STK3: variants seen among roughly 807,000 people sequenced by gnomAD.
STK3 encodes the protein serine/threonine-protein kinase 3.
STK3 carries 41 observed loss-of-function variants against 58.0 expected under a neutral mutation model. The observed-to-expected ratio is 0.71, with a 90% CI of 0.55 to 0.92. The LOEUF is 0.92. STK3 is among the 40% of genes least tolerant of loss of function. STK3 has a pLI of 0.00. For synonymous variants in STK3, 170 were observed against 191.0 expected (o/e 0.89, Z 0.91); for missense variants, 479 against 602.7 (o/e 0.79, Z 2.15).
chr8:98,832,882 G>T lies in STK3; in HGVS notation c.110+50765C>A, dbSNP rs141122373. Among the ~76,000 whole-genome samples, 1,326 of 152,260 alleles carry T rather than the reference G, an allele frequency of 8.7e-3. 12 individuals carry two copies. The highest frequency in any genetic ancestry group is 0.03 in the African/African-American group (1,249 of 41,522). ...AATGCCCAGCACCAGAAGATAATTA[G>T]TTATTTCTGAATACAACTTTTATAA... On this transcript the variant is annotated intron_variant, in intron 3 of 12. Coordinates refer to the STK3 transcript ENST00000523601.
At chr8:98,562,737 GAAAAA>G (rs778049177) in intron 8 of STK3, among the ~76,000 whole-genome samples, 14 of 17,386 alleles carry the variant, frequency 8.1e-4, no homozygotes, top group African/African-American at 3.8e-3. Context: ...CACAAAAAAT[GAAAAA>G]AAAAAAAAAA....
chr8:98,466,808 C>T (rs1350876617), intron 10 of STK3, among the ~76,000 whole-genome samples: 3 of 152,128 alleles, frequency 2.0e-5, no homozygotes, highest in Non-Finnish European at 4.4e-5. Flanking sequence ...TAGATATTGT[C>T]TCCTCTGACC....
At chr8:98,559,833 T>C (rs1246104732) in intron 8 of STK3, among the ~76,000 whole-genome samples, 4 of 152,144 alleles carry the variant, frequency 2.6e-5, no homozygotes, top group African/African-American at 9.7e-5. Context: ...GTAAATAATT[T>C]GTTGTTTTTT....
At chr8:98,683,125 C>T (rs558364333) in intron 6 of STK3, among the ~76,000 whole-genome samples, 2 of 151,848 alleles carry the variant, frequency 1.3e-5, no homozygotes, top group African/African-American at 2.4e-5. Flanking sequence ...GTGCCCACTA[C>T]TGATTTTTCT....
At chr8:98,426,591 A>AC (rs1209173974) in intron 3 of STK3, among the ~76,000 whole-genome samples, 2 of 151,768 alleles carry the variant, frequency 1.3e-5, no homozygotes, top group Non-Finnish European at 2.9e-5. Flanking sequence ...TTCCCCAACA[A>AC]CCCCACCCCC....
chr8:98,420,249 T>C (rs1818156674), intron 3 of STK3, among the ~76,000 whole-genome samples: 1 of 152,148 alleles, frequency 6.6e-6, no homozygotes, highest in Non-Finnish European at 1.5e-5. Context: ...ATGCTACAGG[T>C]GCTCCCCACC....
At chr8:98,894,120 G>A (rs567625153) in intron 1 of STK3, among the ~76,000 whole-genome samples, 1 of 152,140 alleles carries the variant, frequency 6.6e-6, no homozygotes, top group South Asian at 2.1e-4. Flanking sequence ...GTGATAGGGG[G>A]TATTTTCTAA....
At chr8:98,779,864 A>G (rs181792199) in intron 1 of STK3, among the ~76,000 whole-genome samples, 81 of 152,006 alleles carry the variant, frequency 5.3e-4, no homozygotes, top group Middle Eastern at 3.4e-3. Context: ...GAGTAACCTT[A>G]TATATAAGTC....
At chr8:98,925,079 CT>C (rs1169275952) in intron 1 of STK3, among the ~76,000 whole-genome samples, 1 of 152,228 alleles carries the variant, frequency 6.6e-6, no homozygotes, top group Non-Finnish European at 1.5e-5. Context: ...CCAAAACTTT[CT>C]CAAAAGTAAC....
At chr8:98,640,008 G>A (rs1819895095) in intron 6 of STK3, among the ~76,000 whole-genome samples, 2 of 152,064 alleles carry the variant, frequency 1.3e-5, no homozygotes, top group South Asian at 2.1e-4. Context: ...CTGCTTGAGA[G>A]GCTGTTATTT....
rs911438663 is a variant in STK3 at position 98,726,106 on chromosome 8, C to G, written c.352-18795G>C. ...GGGCTCACTACAGATCTGGCAATGACAGGCAGTCTGCCTGCAGAGGAATGT... is the reference window on the plus strand; with the variant it reads ...GGGCTCACTACAGATCTGGCAATGAGAGGCAGTCTGCCTGCAGAGGAATGT... On this transcript the variant is annotated intron_variant, in intron 4 of 10. Coordinates refer to ENST00000419617, the MANE Select transcript of STK3 (RefSeq NM_006281.4). Among the ~76,000 whole-genome samples the G allele has an allele frequency of 2.6e-5, 4 of 152,168 alleles. No individual in the cohort carries two copies. In the South Asian group the frequency reaches 8.3e-4, roughly 32 times the overall value.
chr8:98,623,318 A>T (rs951800346), intron 6 of STK3, among the ~76,000 whole-genome samples: 1 of 152,176 alleles, frequency 6.6e-6, no homozygotes, highest in Non-Finnish European at 1.5e-5. Flanking sequence ...CCCCACCACC[A>T]CCACTACCAA....
intron 6 of STK3, chr8:98,597,225 A>C (rs1815902749): frequency 1.1e-6 from 1 of 943,272 alleles, no homozygotes; most frequent in Non-Finnish European, 1.3e-6. Flanking sequence ...CATTTAATAT[A>C]ATGCATTATC....
chr8:98,532,802 C>T (rs1416454614), intron 9 of STK3, among the ~76,000 whole-genome samples: 2 of 152,108 alleles, frequency 1.3e-5, no homozygotes, highest in Non-Finnish European at 2.9e-5. Context: ...CAATCTTCAC[C>T]TTGCAAAATG....
At chr8:98,533,875 A>C (rs1363043091) in intron 9 of STK3, among the ~76,000 whole-genome samples, 2 of 152,110 alleles carry the variant, frequency 1.3e-5, no homozygotes, top group Non-Finnish European at 2.9e-5. Context: ...CCTTTACCTA[A>C]ATAATTTCAC....
intron 10 of STK3, among the ~76,000 whole-genome samples, chr8:98,513,058 T>C (rs1033833355): frequency 2.0e-5 from 3 of 152,080 alleles, no homozygotes; most frequent in Non-Finnish European, 4.4e-5. Flanking sequence ...AAACATGAAA[T>C]GCTCTAAAAT....
chr8:98,459,389 T>C (rs977216128), intron 10 of STK3, among the ~76,000 whole-genome samples: 3 of 152,192 alleles, frequency 2.0e-5, no homozygotes, highest in Admixed American at 2.0e-4. Context: ...CACAAATAGA[T>C]GGTTTGAAAT....
chr8:98,919,009 C>A (rs1479954693), intron 1 of STK3, among the ~76,000 whole-genome samples: 1 of 151,792 alleles, frequency 6.6e-6, no homozygotes, highest in Non-Finnish European at 1.5e-5. Context: ...GGGCTCAAAA[C>A]AGTGAGAATG....
At chr8:98,720,223 A>C (rs189694496) in intron 4 of STK3, among the ~76,000 whole-genome samples, 10 of 152,332 alleles carry the variant, frequency 6.6e-5, no homozygotes, top group Middle Eastern at 6.8e-3. Flanking sequence ...TTTTATATTT[A>C]TTTACAGTTT....
Sources: gnomAD v4.1 joint callset for allele counts (sites outside exome capture counted in the v4.1 genomes callset) on GRCh38, gnomAD v4.1.1 for gene constraint, MANE v1.5 for transcripts, NCBI Gene and HGNC (gene_info 2026-07-23, HGNC 2026-07-21) for gene names.